TMPRSS15: variants seen among roughly 807,000 people sequenced by gnomAD.
TMPRSS15 encodes enteropeptidase.
Under a neutral mutation model 125.3 loss-of-function variants are expected in TMPRSS15, and 128 were observed. That is an observed-to-expected ratio of 1.02 (90% CI 0.89 to 1.18). TMPRSS15 has a LOEUF of 1.18. Among genes scored for constraint, TMPRSS15 ranks in the 50% most tolerant of loss-of-function variants. TMPRSS15 has a pLI of 0.00. For missense variants in TMPRSS15, 1,283 were observed against 1,212.7 expected, an observed-to-expected ratio of 1.06 and a Z score of -0.86; for synonymous variants, 446 against 423.2, an observed-to-expected ratio of 1.05 and a Z score of -0.66.
At chr21:18,455,343 T>C (rs2123263823) in intron 1 of TMPRSS15, among the ~76,000 whole-genome samples, 1 of 152,308 alleles carries the variant, frequency 6.6e-6, no homozygotes, top group Admixed American at 6.5e-5. Context: ...AATTTTAATG[T>C]TCTGATAAAG....
intron 1 of TMPRSS15, among the ~76,000 whole-genome samples, chr21:18,415,600 A>G (rs1394390464): frequency 1.3e-5 from 2 of 152,032 alleles, no homozygotes; most frequent in Non-Finnish European, 2.9e-5. Flanking sequence ...CTACTTTTTG[A>G]AGAAATTATA....
At chr21:18,271,797 C>CAA (rs1236404321) in intron 24 of TMPRSS15, among the ~76,000 whole-genome samples, 1 of 151,886 alleles carries the variant, frequency 6.6e-6, no homozygotes, top group African/African-American at 2.4e-5. Context: ...TCTCATTGTT[C>CAA]AACTCCCACT....
chr21:18,308,376 T>TTTAC (rs372780584), intron 18 of TMPRSS15, among the ~76,000 whole-genome samples: 5 of 148,676 alleles, frequency 3.4e-5, no homozygotes, highest in Non-Finnish European at 7.5e-5. Context: ...TAAAAAGAAT[T>TTTAC]ACACACACAC....
chr21:18,319,319 T>C (rs895469629), intron 16 of TMPRSS15, among the ~76,000 whole-genome samples: 1 of 151,588 alleles, frequency 6.6e-6, no homozygotes, highest in Admixed American at 6.6e-5. Context: ...TTTTATAAGA[T>C]AATGAAGTGT....
At chr21:18,341,640 T>C (rs2075447520) in intron 12 of TMPRSS15, 92 bp from the exon 13 acceptor site, 1 of 1,334,444 alleles carries the variant, frequency 7.5e-7, no homozygotes, top group Non-Finnish European at 1.1e-6. Context: ...TTCAATATTG[T>C]CTAGAGATTC....
chr21:18,445,977 G>T (rs1179225349), intron 1 of TMPRSS15, among the ~76,000 whole-genome samples: 1 of 152,136 alleles, frequency 6.6e-6, no homozygotes, highest in Non-Finnish European at 1.5e-5. Flanking sequence ...GCAAGAGAAA[G>T]AAATAAAGGG....
intron 1 of TMPRSS15, among the ~76,000 whole-genome samples, chr21:18,433,528 A>G (rs900112354): frequency 6.6e-6 from 1 of 151,922 alleles, no homozygotes; most frequent in Non-Finnish European, 1.5e-5. Context: ...CCCTGTCTCT[A>G]GAAAAAATAC....
chr21:18,350,138 C>T (rs2075550248), intron 10 of TMPRSS15, among the ~76,000 whole-genome samples: 1 of 151,982 alleles, frequency 6.6e-6, no homozygotes, highest in South Asian at 2.1e-4. Flanking sequence ...AGGCCAGACC[C>T]CTTCAGAGAG....
At chr21:18,353,170 A>C in intron 9 of TMPRSS15, 118 bp from the exon 10 acceptor site, 3 of 911,566 alleles carry the variant, frequency 3.3e-6, no homozygotes, top group Non-Finnish European at 5.0e-6. Flanking sequence ...GGTATGTACA[A>C]AATCATTATT....
intron 21 of TMPRSS15, among the ~76,000 whole-genome samples, chr21:18,284,183 A>G (rs1268924786): frequency 5.9e-5 from 9 of 152,208 alleles, no homozygotes; most frequent in African/African-American, 1.9e-4. Context: ...TTCAAAGAGA[A>G]AGGCTGCTCC....
At chr21:18,413,139 CTA>C (rs1421966596) in intron 1 of TMPRSS15, among the ~76,000 whole-genome samples, 1 of 152,000 alleles carries the variant, frequency 6.6e-6, no homozygotes, top group Non-Finnish European at 1.5e-5. Context: ...AAAATTGTAA[CTA>C]TGAGTTTGAA....
chr21:18,392,612 A>G (rs2027612), intron 3 of TMPRSS15, among the ~76,000 whole-genome samples: 54,338 of 151,916 alleles, frequency 0.36, 10,872 homozygotes, highest in Middle Eastern at 0.54. Flanking sequence ...TTCCAATGTC[A>G]CTTCCACATT....
rs570469776 is a variant in TMPRSS15, at chr21:18,459,654, T to A, written c.10+26145A>T. ...TTAAAATGCTGCAAATGTGTTGATT[T>A]ATTTTCATAATTTTTGGTCTTATTC... is the stretch of plus-strand genomic sequence containing the variant. On this transcript the variant is annotated intron_variant, in intron 1 of 7. Transcript: ENST00000422787. Among the ~76,000 whole-genome samples the A allele has an allele frequency of 2.4e-4, 36 of 152,330 alleles. No homozygotes were observed. In the South Asian group the frequency reaches 2.7e-3, roughly 11 times the overall value.
chr21:18,293,023 C>T (rs2074857416), intron 21 of TMPRSS15, among the ~76,000 whole-genome samples: 1 of 152,064 alleles, frequency 6.6e-6, no homozygotes, highest in Admixed American at 6.6e-5. Flanking sequence ...GTCGGTAGCT[C>T]CTTTGGAGAC....
At chr21:18,413,332 CTTCCTTCCTTCCTTCCTTCCTTCCTTCCT>C (rs1465541687) in intron 1 of TMPRSS15, among the ~76,000 whole-genome samples, 1 of 130,220 alleles carries the variant, frequency 7.7e-6, no homozygotes, top group African/African-American at 3.0e-5. Context: ...TCCTTCCTTC[CTTCCTTCCTTCCTTCCTTCCTTCCTTCCT>C]TTCCTTCCTT....
chr21:18,323,450 C>A (rs1458165940), intron 16 of TMPRSS15, among the ~76,000 whole-genome samples: 1 of 152,120 alleles, frequency 6.6e-6, no homozygotes, highest in Non-Finnish European at 1.5e-5. Context: ...TACTCATTAT[C>A]ATGAGAACAG....
At chr21:18,381,574 T>A (rs1353775848) in intron 4 of TMPRSS15, among the ~76,000 whole-genome samples, 1 of 152,162 alleles carries the variant, frequency 6.6e-6, no homozygotes, top group Non-Finnish European at 1.5e-5. Context: ...GTTGAGAATA[T>A]TCTTGGGCTG....
intron 3 of TMPRSS15, among the ~76,000 whole-genome samples, chr21:18,393,749 T>TTTA (rs2076009594): frequency 6.6e-6 from 1 of 152,190 alleles, no homozygotes; most frequent in South Asian, 2.1e-4. Context: ...TCATGCCTAA[T>TTTA]TTATTATTAA....
At chr21:18,399,068 T>C (rs1452048964) in intron 1 of TMPRSS15, among the ~76,000 whole-genome samples, 1 of 152,156 alleles carries the variant, frequency 6.6e-6, no homozygotes, top group African/African-American at 2.4e-5. Context: ...TTGACACTGA[T>C]TTATGTTTAA....
Sources: gnomAD v4.1 joint callset for allele counts (sites outside exome capture counted in the v4.1 genomes callset) on GRCh38, gnomAD v4.1.1 for gene constraint, MANE v1.5 for transcripts, NCBI Gene and HGNC (gene_info 2026-07-23, HGNC 2026-07-21) for gene names.